The following LARP6 variants were observed in gnomAD, a reference collection of about 807,000 sequenced individuals.
LARP6 encodes the protein La ribonucleoprotein 6, translational regulator.
A neutral mutation model predicts 32.8 loss-of-function variants in LARP6; 18 were observed. The observed-to-expected ratio is 0.55, with a 90% CI of 0.38 to 0.81. The LOEUF (loss-of-function observed/expected upper bound fraction) is 0.81. Ranked by LOEUF, LARP6 falls within the 40% of genes least tolerant of loss-of-function variation. The pLI, the probability that LARP6 is intolerant of heterozygous loss-of-function variation, is 0.00. For synonymous variants in LARP6, 289 were observed against 267.2 expected (o/e 1.08, Z -0.80); for missense variants, 598 against 663.1 (o/e 0.90, Z 1.08).
intron 1 of LARP6, among the ~76,000 whole-genome samples, chr15:70,848,656 T>C (rs527299863): frequency 1.3e-5 from 2 of 151,944 alleles, no homozygotes; most frequent in East Asian, 3.9e-4. Flanking sequence ...CACTTGAACC[T>C]GGGAGGCGGA....
intron 2 of LARP6, 21 bp from the exon 3 acceptor site, chr15:70,833,137 C>A: frequency 6.3e-7 from 1 of 1,595,346 alleles, no homozygotes; most frequent in Non-Finnish European, 8.6e-7. Context: ...TAAAGCAAAT[C>A]TGAAATAGTA....
chr15:70,841,726 G>A (rs926935927), intron 1 of LARP6, among the ~76,000 whole-genome samples: 1 of 151,608 alleles, frequency 6.6e-6, no homozygotes, highest in African/African-American at 2.4e-5. Flanking sequence ...TTTCTGTGAT[G>A]TGATGTGTCT....
At chr15:70,841,115 G>A (rs1385801687) in intron 1 of LARP6, among the ~76,000 whole-genome samples, 2 of 151,560 alleles carry the variant, frequency 1.3e-5, no homozygotes, top group South Asian at 2.1e-4. Context: ...GGGTTTCACC[G>A]TGTTAGCCAA....
At chr15:70,847,280 C>A (rs2032365377) in intron 1 of LARP6, among the ~76,000 whole-genome samples, 1 of 151,526 alleles carries the variant, frequency 6.6e-6, no homozygotes, top group Admixed American at 6.6e-5. Flanking sequence ...GTGATGAGGT[C>A]TTTTGTTATA....
At chr15:70,853,813 G>T in intron 1 of LARP6, 76 bp downstream of exon 1, 2 of 1,063,986 alleles carry the variant, frequency 1.9e-6, no homozygotes, top group Non-Finnish European at 2.4e-6. Flanking sequence ...GTTGTCGCGC[G>T]CAGTCAGCGC....
chr15:70,854,123 C>G lies in LARP6; in HGVS notation c.-35G>C. 6.5e-6 allele frequency: 8 copies of G among 1,222,804 alleles called. No homozygotes were observed. Among genetic ancestry groups the G allele is most frequent in the Non-Finnish European group, 7.2e-6 (7 of 978,992 alleles). 75.7% of individuals were successfully genotyped at this position (1,222,804 alleles called of 1,614,324 possible). On this transcript the variant is annotated 5_prime_UTR_variant, in exon 1 of 3. Transcript: ENST00000299213. ...GACTGCGGCGCCGCCGGGGTCCTCA[C>G]GCCGCAAGGCCCAGCCAGCCGGTCG...
Position 70,832,130 on chromosome 15 carries a change from T to G in LARP6, c.1398A>C (p.Val466=). The G allele has an allele frequency of 6.2e-7, 1 of 1,606,750 alleles. No individual in the cohort carries two copies. Among genetic ancestry groups the G allele is most frequent in the Non-Finnish European group, 8.5e-7 (1 of 1,176,170 alleles). ...GACCCCTGGGCAACCTCAGCACCCC[T>G]ACGGGTAGCCCATCTGCAGTCTGCA... The part of the protein sequence containing the change: ...RKMQTADGLP[V]GVLRLPRGPD... The change falls in exon 3 of 3, where the codon GTA becomes GTC. Residue 466 remains valine (V), a synonymous_variant. Coordinates refer to ENST00000299213, the MANE Select transcript of LARP6 (RefSeq NM_018357.4).
intron 1 of LARP6, among the ~76,000 whole-genome samples, chr15:70,844,674 T>C (rs1441447757): frequency 6.6e-6 from 1 of 152,236 alleles, no homozygotes; most frequent in African/African-American, 2.4e-5. Flanking sequence ...TCTGTCTTTG[T>C]CTTTGTAATT....
In LARP6 at chr15:70,831,530, C is replaced by T. The variant is rs1469192223; in HGVS notation, c.*522G>A. 6.6e-6 allele frequency: 1 copy of T among 152,244 alleles called. No homozygotes were observed. The highest frequency in any genetic ancestry group is 2.4e-5 in the African/African-American group (1 of 41,444). The allele number at this position is 152,244 out of a possible 1,614,324, so 9.4% of individuals were successfully genotyped here. A position where few individuals can be genotyped will look rare whatever the true frequency, so the allele number is the denominator to read the frequency against. On this transcript the variant is annotated 3_prime_UTR_variant, in exon 3 of 3. Transcript: ENST00000299213. ...ACTTTTGTCAGGCACAATCTATAACCTCAAAGTCAGCACTCCCAGTTGGGT... is the reference window on the plus strand; with the variant it reads ...ACTTTTGTCAGGCACAATCTATAACTTCAAAGTCAGCACTCCCAGTTGGGT...
chr15:70,839,493 GT>G (rs2032212315), intron 1 of LARP6, among the ~76,000 whole-genome samples: 1 of 151,940 alleles, frequency 6.6e-6, no homozygotes, highest in South Asian at 2.1e-4. Flanking sequence ...CAATTTTAAA[GT>G]TTTTTAAGTC....
chr15:70,838,173 G>C (rs1385804248), intron 1 of LARP6, among the ~76,000 whole-genome samples: 5 of 152,142 alleles, frequency 3.3e-5, no homozygotes, highest in African/African-American at 9.6e-5. Flanking sequence ...TTCAGATTTT[G>C]AATTTTTTGA....
chr15:70,843,987 C>T (rs2032305089), intron 1 of LARP6, among the ~76,000 whole-genome samples: 1 of 149,388 alleles, frequency 6.7e-6, no homozygotes, highest in Admixed American at 6.7e-5. Flanking sequence ...AAGACAGTCT[C>T]ACTCTGTCGC....
chr15:70,848,731 CAA>C (rs879504436), intron 1 of LARP6, among the ~76,000 whole-genome samples: 93 of 133,182 alleles, frequency 7.0e-4, no homozygotes, highest in Admixed American at 1.6e-3. Context: ...GACTCTGTCT[CAA>C]AAAAAAAAAG....
intron 1 of LARP6, among the ~76,000 whole-genome samples, chr15:70,843,153 C>T (rs2032286649): frequency 6.6e-6 from 1 of 152,134 alleles, no homozygotes; most frequent in Non-Finnish European, 1.5e-5. Context: ...AAGCTCAAGA[C>T]CTAGGATGTG....
intron 1 of LARP6, 44 bp from the exon 2 acceptor site, chr15:70,836,549 CTG>C: frequency 6.6e-7 from 1 of 1,523,556 alleles, no homozygotes; most frequent in Non-Finnish European, 9.1e-7. Flanking sequence ...CAACGTTGAA[CTG>C]TGTCCCCCAA....
intron 1 of LARP6, among the ~76,000 whole-genome samples, chr15:70,845,840 C>T (rs1435486929): frequency 6.6e-6 from 1 of 152,234 alleles, no homozygotes; most frequent in African/African-American, 2.4e-5. Flanking sequence ...GGTGAGCAGG[C>T]AGGGAATGAT....
chr15:70,852,642 G>A lies in LARP6; in HGVS notation c.200+1247C>T, dbSNP rs183195133. 7.9e-5 allele frequency among the ~76,000 whole-genome samples: 12 copies of A among 152,240 alleles called. No individual in the cohort carries two copies. In the East Asian group the frequency reaches 9.7e-4, roughly 12 times the overall value. On this transcript the variant is annotated intron_variant, in intron 1 of 2. Transcript: ENST00000299213. The stretch of plus-strand genomic sequence containing the variant: ...AAGGGTTCATCATTTTTATGCTCTC[G>A]GTACTTGGCACAGAGCTAAACGAAT...
At position 70,853,956 on chromosome 15, in the gene LARP6, C is replaced by T; in HGVS notation, c.133G>A (p.Asp45Asn). The T allele has an allele frequency of 6.9e-7, 1 of 1,451,652 alleles. No individual in the cohort carries two copies. Among genetic ancestry groups the T allele is most frequent in the Non-Finnish European group, 9.1e-7 (1 of 1,097,070 alleles). 89.9% of individuals were successfully genotyped at this position (1,451,652 alleles called of 1,614,324 possible). Residue 45 changes from aspartate to asparagine, a missense_variant, in exon 1 of 3, where the codon GAC (aspartate) becomes AAC (asparagine). Around this residue, in one of 3 missense-constraint regions of LARP6, gnomAD observed 161 missense variants for 148.6 expected, o/e 1.08. Transcript: ENST00000299213. ...CCGGGGCTGAGGTACCGGGCCGGGTCCCCGGCGCCCCGAGTCTCCGCCCCC... is the reference window on the plus strand; with the variant it reads ...CCGGGGCTGAGGTACCGGGCCGGGTTCCCGGCGCCCCGAGTCTCCGCCCCC... ...EEGAETRGAG[D>N]PARYLSPGWG...
rs756309350 is a variant in LARP6 at position 70,832,584 on chromosome 15, T to C, written c.944A>G (p.His315Arg). ...NHDEEPTASIHLNKSLNKRVE... is the reference protein window; with the variant it reads ...NHDEEPTASIRLNKSLNKRVE... ...TCTCTTGTTCAGGGACTTGTTCAGG[T>C]GGATGCTCGCAGTGGGCTCCTCGTC... The change falls in exon 3 of 3, where the codon CAC becomes CGC. Residue 315 changes from histidine (H) to arginine (R), a missense_variant. Transcript: ENST00000299213. 3.8e-6 allele frequency: 6 copies of C among 1,588,764 alleles called. No individual in the cohort carries two copies. Among genetic ancestry groups the C allele is most frequent in the Non-Finnish European group, 5.1e-6 (6 of 1,169,876 alleles).
Sources: allele counts gnomAD v4.1 joint callset (sites outside exome capture counted in the v4.1 genomes callset), GRCh38; gene constraint gnomAD v4.1.1; regional missense constraint gnomAD v4.1.1; transcripts MANE v1.5; gene names NCBI Gene and HGNC (gene_info 2026-07-23, HGNC 2026-07-21).